The following DLG2 variants were observed in gnomAD, a reference collection of about 807,000 sequenced individuals.
DLG2 encodes discs large MAGUK scaffold protein 2.
A neutral mutation model predicts 132.5 loss-of-function variants in DLG2; 45 were observed. That is an observed-to-expected ratio of 0.34 (90% CI 0.27 to 0.44). The LOEUF is 0.44. Ranked by LOEUF, DLG2 falls within the 20% of genes least tolerant of loss-of-function variation. The pLI is 1.00. For synonymous variants in DLG2, 424 were observed against 419.6 expected (o/e 1.01, Z -0.13); for missense variants, 1,045 against 1,196.9 (o/e 0.87, Z 1.87).
intron 7 of DLG2, among the ~76,000 whole-genome samples, chr11:84,306,813 C>G (rs2098224326): frequency 1.3e-5 from 2 of 152,086 alleles, no homozygotes; most frequent in African/African-American, 2.4e-5. Context: ...TCTCACCAGT[C>G]AGAATGGCTA....
chr11:83,957,013 G>C (rs1166618386), intron 14 of DLG2, among the ~76,000 whole-genome samples: 1 of 152,246 alleles, frequency 6.6e-6, no homozygotes, highest in South Asian at 2.1e-4. Context: ...TTAAGACTCG[G>C]AAGAAAAATA....
chr11:84,751,197 A>T (rs1428198754), intron 6 of DLG2, among the ~76,000 whole-genome samples: 1 of 152,156 alleles, frequency 6.6e-6, no homozygotes, highest in Non-Finnish European at 1.5e-5. Flanking sequence ...GAAAGGATGA[A>T]TCAAAGAGAC....
chr11:85,088,090 T>C (rs10792805), intron 6 of DLG2, among the ~76,000 whole-genome samples: 15,796 of 152,118 alleles, frequency 0.1, 1,152 homozygotes, highest in Middle Eastern at 0.16. Context: ...TAATAGATAG[T>C]GGTAACTTGG....
At chr11:84,313,641 A>AAAGAAAG (rs2098320732) in intron 7 of DLG2, among the ~76,000 whole-genome samples, 2 of 129,180 alleles carry the variant, frequency 1.5e-5, no homozygotes, top group African/African-American at 3.0e-5. Context: ...GAAAGAGAGA[A>AAAGAAAG]AAAGAAAGAA....
At chr11:84,662,522 G>A (rs1311025355) in intron 6 of DLG2, among the ~76,000 whole-genome samples, 1 of 150,760 alleles carries the variant, frequency 6.6e-6, no homozygotes, top group African/African-American at 2.4e-5. Flanking sequence ...GGTGGCTCAT[G>A]CCTATAATCC....
At chr11:83,950,620 A>G (rs1282860210) in intron 14 of DLG2, among the ~76,000 whole-genome samples, 3 of 152,208 alleles carry the variant, frequency 2.0e-5, no homozygotes, top group South Asian at 4.1e-4. Flanking sequence ...AACAAAAATA[A>G]GCAAATGGCT....
chr11:83,820,145 A>G (rs987176429), intron 17 of DLG2, among the ~76,000 whole-genome samples: 1 of 152,168 alleles, frequency 6.6e-6, no homozygotes, highest in Non-Finnish European at 1.5e-5. Context: ...TTTTACTGCC[A>G]TCTTGTGGAT....
intron 6 of DLG2, among the ~76,000 whole-genome samples, chr11:85,103,326 G>A (rs1404551534): frequency 6.6e-6 from 1 of 151,864 alleles, no homozygotes; most frequent in Non-Finnish European, 1.5e-5. Context: ...GAACAGAGTT[G>A]GCGTCTCACA....
chr11:84,938,056 C>G (rs111830158), intron 6 of DLG2, among the ~76,000 whole-genome samples: 1 of 152,174 alleles, frequency 6.6e-6, no homozygotes, highest in Admixed American at 6.5e-5. Context: ...CCTTGAAATA[C>G]TGTGTGGCTT....
intron 21 of DLG2, among the ~76,000 whole-genome samples, chr11:83,488,486 T>G (rs960099118): frequency 6.6e-6 from 1 of 151,982 alleles, no homozygotes; most frequent in African/African-American, 2.4e-5. Flanking sequence ...AAACTCAAAT[T>G]ATTTTCCTAC....
At chr11:84,261,971 G>C (rs1307418436) in intron 7 of DLG2, among the ~76,000 whole-genome samples, 1 of 152,112 alleles carries the variant, frequency 6.6e-6, no homozygotes, top group East Asian at 1.9e-4. Flanking sequence ...ATGCACTCCA[G>C]ACCATGCTAT....
chr11:84,197,496 G>T (rs2154296297), intron 8 of DLG2, among the ~76,000 whole-genome samples: 1 of 152,282 alleles, frequency 6.6e-6, no homozygotes, highest in Middle Eastern at 3.4e-3. Flanking sequence ...ATGACATCAT[G>T]ATTCCCATGC....
At chr11:85,474,912 T>C (rs560724350) in intron 3 of DLG2, among the ~76,000 whole-genome samples, 40 of 150,692 alleles carry the variant, frequency 2.7e-4, no homozygotes, top group African/African-American at 7.0e-4. Context: ...AAAAGAAAAA[T>C]TGTCAAAATG....
chr11:83,811,351 C>A (rs2047207477), intron 17 of DLG2, among the ~76,000 whole-genome samples: 2 of 152,124 alleles, frequency 1.3e-5, no homozygotes, highest in South Asian at 4.2e-4. Flanking sequence ...ATGGCTGTAA[C>A]CTCTATGCAA....
At chr11:85,321,480 G>A (rs921204508) in intron 3 of DLG2, among the ~76,000 whole-genome samples, 3 of 151,966 alleles carry the variant, frequency 2.0e-5, no homozygotes, top group Non-Finnish European at 4.4e-5. Context: ...ATAATCTAGC[G>A]AGTATGTACA....
chr11:83,516,034 A>T (rs1339722644), intron 21 of DLG2, among the ~76,000 whole-genome samples: 1 of 152,200 alleles, frequency 6.6e-6, no homozygotes, highest in Non-Finnish European at 1.5e-5. Context: ...GTAGATGTCT[A>T]TTAGGTCTGC....
chr11:85,020,504 CT>C (rs772434927), intron 6 of DLG2, among the ~76,000 whole-genome samples: 4 of 152,124 alleles, frequency 2.6e-5, no homozygotes, highest in Admixed American at 6.6e-5. Flanking sequence ...GTTCCCATTG[CT>C]TTTGGTGTTT....
chr11:85,064,421 C>A (rs1366758357), intron 6 of DLG2, among the ~76,000 whole-genome samples: 1 of 151,690 alleles, frequency 6.6e-6, no homozygotes, highest in Admixed American at 6.6e-5. Context: ...CAGTACGTGG[C>A]AGCAGTAATT....
At chr11:84,636,600 T>C (rs1014310075) in intron 6 of DLG2, among the ~76,000 whole-genome samples, 1 of 152,198 alleles carries the variant, frequency 6.6e-6, no homozygotes, top group Non-Finnish European at 1.5e-5. Flanking sequence ...AGAGGAAACA[T>C]CATTTTCCTA....
Sources: gnomAD v4.1 joint callset for allele counts (sites outside exome capture counted in the v4.1 genomes callset) on GRCh38, gnomAD v4.1.1 for gene constraint, MANE v1.5 for transcripts, NCBI Gene and HGNC (gene_info 2026-07-23, HGNC 2026-07-21) for gene names.